Variants in CD163L1 observed in about 807,000 individuals in gnomAD.
CD163L1 encodes the protein scavenger receptor cysteine-rich type 1 protein M160.
Under a neutral mutation model 165.4 loss-of-function variants are expected in CD163L1, and 124 were observed. That is an observed-to-expected ratio of 0.75 (90% CI 0.65 to 0.87). The LOEUF (loss-of-function observed/expected upper bound fraction) is 0.87, where lower values mean the gene tolerates loss of function less well. Among genes scored for constraint, CD163L1 ranks in the 40% least tolerant of loss-of-function variants. The pLI is 0.00. For missense variants in CD163L1, 1,525 were observed against 1,799.9 expected, an observed-to-expected ratio of 0.85 and a Z score of 2.76; for synonymous variants, 585 against 662.2, an observed-to-expected ratio of 0.88 and a Z score of 1.79.
At chr12:7,351,412 T>C (rs1377265275), downstream of CD163L1, among the ~76,000 whole-genome samples, 4 of 152,134 alleles carry the variant, frequency 2.6e-5, no homozygotes, top group African/African-American at 9.7e-5. Context: ...TGGTAAGGGC[T>C]TTCTTTCTGG....
At chr12:7,412,357 C>T (rs1215403304) in intron 4 of CD163L1, among the ~76,000 whole-genome samples, 1 of 152,118 alleles carries the variant, frequency 6.6e-6, no homozygotes, top group Non-Finnish European at 1.5e-5. Flanking sequence ...GGGACACTCT[C>T]ATATGCTGTA....
the CD163L1 span, among the ~76,000 whole-genome samples, chr12:7,323,797 T>TG: frequency 6.6e-6 from 1 of 152,100 alleles, no homozygotes; most frequent in African/African-American, 2.4e-5. Flanking sequence ...AGGGTGCAGT[T>TG]GGGGGGTGCT....
chr12:7,427,432 A>C (rs762387338), intron 4 of CD163L1, among the ~76,000 whole-genome samples: 5 of 152,262 alleles, frequency 3.3e-5, no homozygotes, highest in African/African-American at 1.2e-4. Flanking sequence ...CAAAAGACCT[A>C]CAGGTACTGT....
chr12:7,333,491 G>C, the CD163L1 span, among the ~76,000 whole-genome samples: 168 of 152,312 alleles, frequency 1.1e-3, 2 homozygotes, highest in East Asian at 0.028. Context: ...ATTTAAAGCA[G>C]TGTGTAGAGG....
rs1007575354 is a variant in CD163L1, at chr12:7,400,635, A to G, written c.1409-2051T>C. Among the ~76,000 whole-genome samples the G allele has an allele frequency of 1.3e-5, 2 of 152,170 alleles. No individual in the cohort carries two copies. The highest frequency in any genetic ancestry group is 2.9e-5 in the Non-Finnish European group (2 of 68,030). On this transcript the variant is annotated intron_variant, in intron 6 of 19. Transcript: ENST00000313599. The surrounding 1 kb of genome is among the most constrained non-coding windows in gnomAD (Gnocchi z 4.1). ...TGGGCTCAAGTGATATTCCTGCCTC[A>G]GCCTCCTGAGTTGCTGGGACAACAG...
chr12:7,443,454 C>T (rs948582637), intron 1 of CD163L1, among the ~76,000 whole-genome samples: 4 of 152,196 alleles, frequency 2.6e-5, no homozygotes, highest in Non-Finnish European at 5.9e-5. Flanking sequence ...TTCAGATGTG[C>T]TGTGAAAGAC....
In CD163L1 at chr12:7,374,903, A is replaced by G. The variant is rs1429073136; in HGVS notation, c.3022T>C (p.Phe1008Leu). 1.2e-6 allele frequency: 2 copies of G among 1,614,134 alleles called. No individual in the cohort carries two copies. Among genetic ancestry groups the G allele is most frequent in the Non-Finnish European group, 1.7e-6 (2 of 1,179,966 alleles). Residue 1008 changes from phenylalanine (F) to leucine (L), a missense_variant, in exon 12 of 20, where the codon TTT (phenylalanine) becomes CTT (leucine). Phe to Leu is a conservative substitution (Grantham distance 22, BLOSUM62 0). Coordinates refer to ENST00000313599, the MANE Select transcript of CD163L1 (RefSeq NM_174941.6). This position sits in a 1 kb window ranked among gnomAD's most constrained non-coding sequence, Gnocchi z 5.4. ...TCAGATACATTTGCGAGGCATGGAA[A>G]CAGTGGCTGGGTCAGGCTTCCTGGT... Reference protein sequence around the residue: ...ICTGSLTQPLFPCLANVSDPY... With the variant: ...ICTGSLTQPLLPCLANVSDPY...
In CD163L1 at chr12:7,387,362, G is replaced by A. The variant is rs117646561; in HGVS notation, c.2051-8064C>T. 3.7e-3 allele frequency among the ~76,000 whole-genome samples: 570 copies of A among 152,262 alleles called. 14 individuals carry two copies. The East Asian group carries it at 0.081, about 22-fold the overall frequency. ...AACAAATGAAATGAAGAGACATCTC[G>A]TGCTTTTTGATTGGAAGAATTAATA... On this transcript the variant is annotated intron_variant, in intron 8 of 19. Coordinates refer to ENST00000313599, the MANE Select transcript of CD163L1 (RefSeq NM_174941.6).
chr12:7,406,817 T>A lies in CD163L1; in HGVS notation c.802A>T (p.Thr268Ser). The A allele has an allele frequency of 6.2e-7, 1 of 1,614,120 alleles. No homozygotes were observed. Among genetic ancestry groups the A allele is most frequent in the South Asian group, 1.1e-5 (1 of 91,076 alleles). Reference sequence around the variant, plus strand: ...TCTACTCTCCCCATACAGCGGTTAGTTCCACCTACAAGCCTTAGTTCAAGA... The same window carrying A: ...TCTACTCTCCCCATACAGCGGTTAGATCCACCTACAAGCCTTAGTTCAAGA... ...SDLELRLVGG[T>S]NRCMGRVELK... The change falls in exon 5 of 20, where the codon ACT becomes TCT. Residue 268 changes from threonine to serine, a missense_variant. Transcript: ENST00000313599.
chr12:7,435,733 T>C (rs1303297341), intron 2 of CD163L1, among the ~76,000 whole-genome samples: 5 of 152,078 alleles, frequency 3.3e-5, no homozygotes, highest in African/African-American at 1.2e-4. Flanking sequence ...CCCATGAATC[T>C]GCACCAGAGA....
At chr12:7,437,233 T>A (rs1455696864) in intron 2 of CD163L1, among the ~76,000 whole-genome samples, 2 of 1,894 alleles carry the variant, frequency 1.1e-3, no homozygotes, top group South Asian at 0.014. Flanking sequence ...TTTAAAAGTA[T>A]TTACTTTTAA....
At position 7,375,704 on chromosome 12, in the gene CD163L1, A is replaced by G. The variant is rs765030630; in HGVS notation, c.2682T>C (p.Cys894=). ...CIHSREVGVV[C]SRYTDVRLVN... ...AAGATTATTTAAAAATCTCACGGGA[A>G]CAGACAACTCCAACTTCTCTGCTGT... The change falls in exon 10 of 20, where the codon TGT becomes TGC. Residue 894 remains cysteine (C), a synonymous_variant. Coordinates refer to ENST00000313599, the MANE Select transcript of CD163L1 (RefSeq NM_174941.6). 1 of 1,614,032 alleles carries G rather than the reference A, an allele frequency of 6.2e-7. No individual in the cohort carries two copies.
chr12:7,393,219 C>G (rs1207657362), intron 8 of CD163L1, among the ~76,000 whole-genome samples: 1 of 152,192 alleles, frequency 6.6e-6, no homozygotes, highest in Non-Finnish European at 1.5e-5. Flanking sequence ...AAAAGCCTAT[C>G]CACCACGGTC....
intron 8 of CD163L1, 67 bp from the exon 9 acceptor site, chr12:7,379,365 T>C (rs1947339838): frequency 1.3e-6 from 2 of 1,515,962 alleles, no homozygotes; most frequent in Non-Finnish European, 1.8e-6. Flanking sequence ...TTCTTATCCA[T>C]TCCTGTACAC....
In CD163L1 at chr12:7,404,966, T is replaced by C. The variant is rs75714278; in HGVS notation, c.1088-1111A>G. ...TAAACTGTGAAACTGTGAACTGTTT[T>C]TGTTTGGGAAAAAAAAATCCTCTGA... is the stretch of plus-strand genomic sequence containing the variant. On this transcript the variant is annotated intron_variant, in intron 5 of 19. Transcript: ENST00000313599. Among the ~76,000 whole-genome samples the C allele has an allele frequency of 7.7e-3, 1,179 of 152,214 alleles. 15 individuals are homozygous for C. The highest frequency in any genetic ancestry group is 0.023 in the South Asian group (110 of 4,812).
intron 8 of CD163L1, among the ~76,000 whole-genome samples, chr12:7,391,590 G>A (rs1330423386): frequency 6.6e-6 from 1 of 152,062 alleles, no homozygotes; most frequent in South Asian, 2.1e-4. Context: ...AGCTTCATTA[G>A]CCAATTCAAT....
intron 18 of CD163L1, among the ~76,000 whole-genome samples, chr12:7,366,124 T>C (rs1384919319): frequency 6.6e-6 from 1 of 152,090 alleles, no homozygotes; most frequent in East Asian, 1.9e-4. Flanking sequence ...GAGGTCATTA[T>C]GTTAAGTGAA....
intron 8 of CD163L1, among the ~76,000 whole-genome samples, chr12:7,389,960 T>TTATATATACATATTTA (rs1555197833): frequency 7.4e-6 from 1 of 135,964 alleles, no homozygotes; most frequent in African/African-American, 2.8e-5. Flanking sequence ...ATATATATAT[T>TTATATATACATATTTA]TATATATATA....
intron 7 of CD163L1, among the ~76,000 whole-genome samples, chr12:7,397,137 C>T (rs961248747): frequency 1.3e-5 from 2 of 152,174 alleles, no homozygotes; most frequent in African/African-American, 4.8e-5. Context: ...CTCATCATTA[C>T]ATATTCCTAA....
Sources: allele counts gnomAD v4.1 joint callset (sites outside exome capture counted in the v4.1 genomes callset), GRCh38; gene constraint gnomAD v4.1.1; non-coding constraint Gnocchi (gnomAD v3.1); transcripts MANE v1.5; gene names NCBI Gene and HGNC (gene_info 2026-07-23, HGNC 2026-07-21).